GAB3: variants seen among roughly 807,000 people sequenced by gnomAD.
GAB3 encodes the protein GRB2 associated binding protein 3.
In GAB3, 12 loss-of-function variants were observed where a neutral mutation model predicts 40.4. The observed-to-expected ratio is 0.30, with a 90% CI of 0.19 to 0.48. The LOEUF is 0.48. Ranked by LOEUF, GAB3 falls within the 20% of genes least tolerant of loss-of-function variation. The pLI is 0.99. For synonymous variants in GAB3, 154 were observed against 176.7 expected, an observed-to-expected ratio of 0.87 and a Z score of 1.02; for missense variants, 381 against 461.9, an observed-to-expected ratio of 0.82 and a Z score of 1.61.
chrX:154,694,500 C>T (rs1292812224), intron 8 of GAB3, among the ~76,000 whole-genome samples: 1 of 110,478 alleles, frequency 9.1e-6, no homozygotes, highest in Non-Finnish European at 1.9e-5. Flanking sequence ...CATTCTCCTG[C>T]CTCAGCCTCC....
At position 154,712,687 on chromosome X, in the gene GAB3, C is replaced by T. The variant is rs781808487; in HGVS notation, c.611G>A (p.Cys204Tyr). 4.5e-6 allele frequency: 5 copies of T among 1,115,666 alleles called. No individual in the cohort carries two copies. In the Admixed American group the frequency reaches 1.6e-4, roughly 35 times the overall value. 91.9% of individuals were successfully genotyped at this position (1,115,666 alleles called of 1,213,427 possible). Residue 204 changes from cysteine (C) to tyrosine (Y), a missense_variant, in exon 4 of 10, where the codon TGT becomes TAT. Transcript: ENST00000424127. ...ACGGTCTGAGTTTGACCAGCTATCACATCTGGTGGGTAGACTGGGGAAGAA... is the reference window on the plus strand; with the variant it reads ...ACGGTCTGAGTTTGACCAGCTATCATATCTGGTGGGTAGACTGGGGAAGAA... ...RLHHTSLPTRCDSWSNSDRSL... is the reference protein window; with the variant it reads ...RLHHTSLPTRYDSWSNSDRSL...
At chrX:154,700,978 T>C (rs782615757) in intron 4 of GAB3, among the ~76,000 whole-genome samples, 2 of 111,833 alleles carry the variant, frequency 1.8e-5, no homozygotes, top group African/African-American at 6.5e-5. Context: ...ATATATATTA[T>C]ATATACATAT....
chrX:154,680,180 A>G lies in GAB3; in HGVS notation c.1599T>C (p.Asp533=), dbSNP rs190769825. 8.3e-7 allele frequency: 1 copy of G among 1,207,897 alleles called. No homozygotes were observed. The highest frequency in any genetic ancestry group is 3.0e-5 in the East Asian group (1 of 33,628). The change falls in exon 9 of 10, where the codon GAT becomes GAC. Residue 533 remains aspartate (D), a synonymous_variant. Coordinates refer to ENST00000424127, the MANE Select transcript of GAB3 (RefSeq NM_001081573.3). ...ALTWTKKFSL[D]YLALDFNSAS... is the part of the protein sequence containing the mutation. ...CTGAATTGAAGTCCAGGGCCAAATAATCTAGGCTGAATTTCTTTGTCCACG... is the reference window on the plus strand; with the variant it reads ...CTGAATTGAAGTCCAGGGCCAAATAGTCTAGGCTGAATTTCTTTGTCCACG...
At chrX:154,714,288 A>G (rs1243704109) in intron 2 of GAB3, among the ~76,000 whole-genome samples, 1 of 111,909 alleles carries the variant, frequency 8.9e-6, no homozygotes, top group South Asian at 3.7e-4. Context: ...GCTCTACTAC[A>G]TAGCCATTAC....
At chrX:154,731,696 T>C (rs1423408640) in intron 1 of GAB3, among the ~76,000 whole-genome samples, 1 of 111,583 alleles carries the variant, frequency 9.0e-6, no homozygotes, top group African/African-American at 3.3e-5. Context: ...TGGTGGCTCC[T>C]GGGATTGTCT....
intron 1 of GAB3, among the ~76,000 whole-genome samples, chrX:154,740,839 C>T (rs1221498652): frequency 8.9e-6 from 1 of 112,181 alleles, no homozygotes; most frequent in African/African-American, 3.2e-5. Context: ...AGAATTTCTC[C>T]CTCTTGGCAC....
At chrX:154,683,410 C>T (rs188375713) in intron 8 of GAB3, among the ~76,000 whole-genome samples, 11 of 112,116 alleles carry the variant, frequency 9.8e-5, no homozygotes, top group African/African-American at 2.6e-4. Flanking sequence ...GTATAGTATT[C>T]GTGGTCAAAT....
intron 1 of GAB3, among the ~76,000 whole-genome samples, chrX:154,739,673 TA>T: frequency 9.0e-6 from 1 of 111,573 alleles, no homozygotes; most frequent in African/African-American, 3.3e-5. Flanking sequence ...TATTTGGGGG[TA>T]AGGGTAAATA....
At chrX:154,728,601 C>T (rs1014193435) in intron 1 of GAB3, among the ~76,000 whole-genome samples, 1 of 112,264 alleles carries the variant, frequency 8.9e-6, no homozygotes, top group Non-Finnish European at 1.9e-5. Context: ...ATTGATGAGA[C>T]GTTGGAGATG....
chrX:154,716,473 T>A, intron 1 of GAB3, 144 bp from the exon 2 acceptor site: 2 of 531,847 alleles, frequency 3.8e-6, no homozygotes, highest in South Asian at 6.4e-5. Context: ...ATTACAGGAC[T>A]AGTGCCCATC....
intron 9 of GAB3, chrX:154,679,092 G>A (rs1402582901): frequency 3.1e-6 from 1 of 321,162 alleles, no homozygotes; most frequent in Non-Finnish European, 6.1e-6. Flanking sequence ...AGGAGATCGA[G>A]GCTGCAGTGA....
chrX:154,681,229 T>C lies in GAB3; in HGVS notation c.1531-981A>G, dbSNP rs189565392. ...TGTACCAGGAGTGTATAAGAATTTC[T>C]ATTGCTTCCCATCCTGGCCAACACT... On this transcript the variant is annotated intron_variant, in intron 8 of 9. Coordinates refer to ENST00000424127, the MANE Select transcript of GAB3 (RefSeq NM_001081573.3). 4.5e-5 allele frequency among the ~76,000 whole-genome samples: 5 copies of C among 112,198 alleles called. No homozygotes were observed. In the East Asian group the frequency reaches 1.4e-3, roughly 31 times the overall value.
chrX:154,682,666 T>C (rs1472099908), intron 8 of GAB3, among the ~76,000 whole-genome samples: 1 of 111,784 alleles, frequency 8.9e-6, no homozygotes, highest in Non-Finnish European at 1.9e-5. Flanking sequence ...AGAATATTGG[T>C]AATAATAGAG....
chrX:154,737,289 A>G (rs1836152451), intron 1 of GAB3, among the ~76,000 whole-genome samples: 1 of 111,628 alleles, frequency 9.0e-6, no homozygotes, highest in African/African-American at 3.3e-5. Flanking sequence ...CTGGGAGGAA[A>G]GGCGGGTGAC....
intron 4 of GAB3, among the ~76,000 whole-genome samples, chrX:154,707,640 G>A (rs1035681094): frequency 3.6e-5 from 4 of 111,774 alleles, no homozygotes; most frequent in Middle Eastern, 4.6e-3. Flanking sequence ...CTGAGATCAG[G>A]AATGATACAA....
intron 4 of GAB3, among the ~76,000 whole-genome samples, chrX:154,704,557 G>T (rs1469507187): frequency 9.0e-6 from 1 of 110,592 alleles, no homozygotes; most frequent in Admixed American, 9.6e-5. Flanking sequence ...AAAAGCAAGA[G>T]CAAACCAAAC....
chrX:154,713,159 A>G lies in GAB3; in HGVS notation c.596+48T>C, dbSNP rs782501796. 7.6e-5 allele frequency: 78 copies of G among 1,028,061 alleles called. 2 individuals carry two copies. The South Asian group carries it at 1.4e-3, about 18-fold the overall frequency. The allele number at this position is 1,028,061 out of a possible 1,213,427, so 84.7% of individuals were successfully genotyped here. On this transcript the variant is annotated intron_variant, in intron 3 of 9. Coordinates refer to ENST00000424127, the MANE Select transcript of GAB3 (RefSeq NM_001081573.3). ...AAGAGGAGGCAGTGTGACTCTAGAG[A>G]GCATGCTAGCAGGCCCAGCTCAGAC...
At chrX:154,681,411 GT>G (rs782623593) in intron 8 of GAB3, among the ~76,000 whole-genome samples, 31 of 92,011 alleles carry the variant, frequency 3.4e-4, no homozygotes, top group African/African-American at 1.0e-3. Context: ...TGAATTGCCT[GT>G]TTGGGTTTGT....
chrX:154,741,335 C>T (rs1289448470), intron 1 of GAB3, among the ~76,000 whole-genome samples: 8 of 111,285 alleles, frequency 7.2e-5, no homozygotes, highest in African/African-American at 9.8e-5. Flanking sequence ...TGTATTAGTC[C>T]GTTCTCACAC....
Sources: allele counts gnomAD v4.1 joint callset (sites outside exome capture counted in the v4.1 genomes callset), GRCh38; gene constraint gnomAD v4.1.1; transcripts MANE v1.5; gene names NCBI Gene and HGNC (gene_info 2026-07-23, HGNC 2026-07-21).